The following DARS2 variants were observed in gnomAD, a reference collection of about 807,000 sequenced individuals.
DARS2 encodes the protein aspartate--tRNA ligase, mitochondrial.
DARS2 carries 63 observed loss-of-function variants against 83.0 expected under a neutral mutation model. The ratio of observed to expected loss-of-function variants is 0.76; its 90% CI spans 0.62 to 0.94. The LOEUF is 0.94. Ranked by LOEUF, DARS2 falls within the 40% of genes least tolerant of loss-of-function variation. The pLI, the probability that DARS2 is intolerant of heterozygous loss-of-function variation, is 0.00. For missense variants in DARS2, 675 were observed against 774.4 expected (o/e 0.87, Z 1.52); for synonymous variants, 250 against 269.3 (o/e 0.93, Z 0.70).
At chr1:173,855,817 ATTTT>A (rs57005267) in intron 15 of DARS2, among the ~76,000 whole-genome samples, 1 of 139,746 alleles carries the variant, frequency 7.2e-6, no homozygotes, top group Non-Finnish European at 1.6e-5. Context: ...CACGCCCAGC[ATTTT>A]TTTTTTTTTT....
At chr1:173,849,154 C>CTT (rs75129689) in intron 12 of DARS2, among the ~76,000 whole-genome samples, 339 of 133,708 alleles carry the variant, frequency 2.5e-3, no homozygotes, top group Non-Finnish European at 3.1e-3. Flanking sequence ...TTATCTTGGT[C>CTT]TTTTTTTTTT....
intron 12 of DARS2, among the ~76,000 whole-genome samples, chr1:173,846,678 C>T (rs1653448569): frequency 6.6e-6 from 1 of 151,668 alleles, no homozygotes; most frequent in African/African-American, 2.4e-5. Context: ...CACCTGTCAT[C>T]CCAACTACTT....
intron 16 of DARS2, 117 bp downstream of exon 16, chr1:173,856,858 T>A: frequency 1.4e-6 from 1 of 710,770 alleles, no homozygotes; most frequent in South Asian, 1.8e-5. Context: ...CATGAGAATG[T>A]AAGTTTCTGT....
At position 173,824,999 on chromosome 1, in the gene DARS2, GGA is replaced by G; in HGVS notation, c.-227_-226del. On this transcript the variant is annotated 5_prime_UTR_variant, in exon 1 of 17. Coordinates refer to ENST00000649689, the MANE Select transcript of DARS2 (RefSeq NM_018122.5). ...TGCAGACTGATGCTTTAAGACTCAG[GGA>G]GAGGTCTTTCCCTTATCTCCACCCC... is the stretch of plus-strand genomic sequence containing the variant. The G allele has an allele frequency of 2.2e-6, 1 of 461,370 alleles. No individual in the cohort carries two copies. Among genetic ancestry groups the G allele is most frequent in the Non-Finnish European group, 4.0e-6 (1 of 251,502 alleles). The allele number at this position is 461,370 out of a possible 1,614,324, so 28.6% of individuals were successfully genotyped here.
chr1:173,834,792 T>TG (rs1398915676), intron 7 of DARS2, among the ~76,000 whole-genome samples: 1 of 138,902 alleles, frequency 7.2e-6, no homozygotes, highest in African/African-American at 2.8e-5. Flanking sequence ...GTTTTTTTTT[T>TG]TTTTTTGAGA....
At chr1:173,853,969 T>C (rs1471485513) in intron 15 of DARS2, 64 bp downstream of exon 15, 1 of 1,390,992 alleles carries the variant, frequency 7.2e-7, no homozygotes, top group Non-Finnish European at 1.0e-6. Context: ...AGTTTTGTGT[T>C]GTTGTTGTTG....
chr1:173,838,486 T>C (rs926791694), intron 9 of DARS2, among the ~76,000 whole-genome samples: 2 of 152,122 alleles, frequency 1.3e-5, no homozygotes, highest in Non-Finnish European at 2.9e-5. Flanking sequence ...GGGGCCACAC[T>C]GTCATTCAAA....
At chr1:173,852,597 C>T (rs1281860458) in intron 13 of DARS2, among the ~76,000 whole-genome samples, 2 of 151,936 alleles carry the variant, frequency 1.3e-5, no homozygotes, top group Non-Finnish European at 2.9e-5. Flanking sequence ...TGCCTCCTCC[C>T]GGGTTCAAGC....
Position 173,826,814 on chromosome 1 carries a change from G to T in DARS2, c.227+28G>T, listed in dbSNP as rs6425259. ...AAATTGAGAAAGACAGTCTAAGAAT[G>T]CATGGTGGTGGTTTTCCCAGGGCAA... On this transcript the variant is annotated intron_variant, in intron 2 of 16. Transcript: ENST00000649689. The T allele has an allele frequency of 4.7e-3, 7,086 of 1,511,608 alleles. 303 individuals are homozygous for T. The African/African-American group carries it at 0.087, about 19-fold the overall frequency. 93.6% of individuals were successfully genotyped at this position (1,511,608 alleles called of 1,614,324 possible).
At chr1:173,826,203 G>T (rs1331410697) in intron 1 of DARS2, among the ~76,000 whole-genome samples, 1 of 149,436 alleles carries the variant, frequency 6.7e-6, no homozygotes, top group African/African-American at 2.5e-5. Flanking sequence ...CAGCCTGGGC[G>T]ACAGAGCGAG....
At chr1:173,839,919 T>A (rs1298231875) in intron 10 of DARS2, among the ~76,000 whole-genome samples, 4 of 152,160 alleles carry the variant, frequency 2.6e-5, no homozygotes, top group Non-Finnish European at 4.4e-5. Context: ...CTCAAACATA[T>A]GACAATGTTT....
rs777893015 is a variant in DARS2, at chr1:173,828,396, T to A, written c.291T>A (p.Asp97Glu). ...TTGTTCAAGTTATCATTCCCCAGGA[T>A]GAGGTAATAGAAAATTTCCTGTTAT... The part of the protein sequence containing the change: ...DGLVQVIIPQ[D>E]ESAASVKKIL... The change falls in exon 3 of 17, where the codon GAT becomes GAA. Residue 97 changes from aspartate (D) to glutamate (E), a missense_variant. Transcript: ENST00000649689. 6.3e-7 allele frequency: 1 copy of A among 1,592,440 alleles called. No homozygotes were observed. Among genetic ancestry groups the A allele is most frequent in the East Asian group, 2.3e-5 (1 of 42,892 alleles).
At chr1:173,830,416 AT>A (rs1652751193) in intron 3 of DARS2, among the ~76,000 whole-genome samples, 1 of 151,974 alleles carries the variant, frequency 6.6e-6, no homozygotes, top group East Asian at 1.9e-4. Flanking sequence ...TCTTACCCTT[AT>A]TTTCCTTTAA....
At chr1:173,825,925 A>T (rs1392968741) in intron 1 of DARS2, among the ~76,000 whole-genome samples, 1 of 150,668 alleles carries the variant, frequency 6.6e-6, no homozygotes, top group African/African-American at 2.5e-5. Context: ...TTGATGCCTT[A>T]AAAAAATCCT....
At chr1:173,840,383 C>T (rs996407029) in intron 10 of DARS2, among the ~76,000 whole-genome samples, 13 of 152,146 alleles carry the variant, frequency 8.5e-5, no homozygotes, top group African/African-American at 2.4e-4. Context: ...GGATTACAGG[C>T]GCATACCACC....
At position 173,830,763 on chromosome 1, in the gene DARS2, T is replaced by G. The variant is rs759123043; in HGVS notation, c.396+2T>G. The G allele has an allele frequency of 1.2e-5, 20 of 1,611,790 alleles. No homozygotes were observed. The Admixed American group carries it at 2.5e-4, about 20-fold the overall frequency. On this transcript the variant is annotated splice_donor_variant, in intron 4 of 16. Transcript: ENST00000649689. LOFTEE classifies it high-confidence loss of function. Reference sequence around the variant, plus strand: ...CGTCCTGCAGGACAAGAGAATCCAGTAGGTAGTTTCGAAGATATCTGTGTA... The same window carrying G: ...CGTCCTGCAGGACAAGAGAATCCAGGAGGTAGTTTCGAAGATATCTGTGTA...
Position 173,836,323 on chromosome 1 carries a change from C to T in DARS2, c.664-617C>T, listed in dbSNP as rs563832951. ...TTGGGAGGCCAAGGCGGGCAGATCA[C>T]GAGGTCAGGAGTTCAAGACCAGCCT... On this transcript the variant is annotated intron_variant, in intron 7 of 16. Transcript: ENST00000649689. Among the ~76,000 whole-genome samples the T allele has an allele frequency of 9.3e-4, 141 of 151,824 alleles. 2 individuals carry two copies. Among genetic ancestry groups the T allele is most frequent in the African/African-American group, 3.3e-3 (136 of 41,432 alleles).
chr1:173,843,399 A>G (rs1653306559), intron 11 of DARS2, among the ~76,000 whole-genome samples: 1 of 152,148 alleles, frequency 6.6e-6, no homozygotes, highest in South Asian at 2.1e-4. Context: ...TCTGTACTAA[A>G]AATGTAAAAA....
At chr1:173,857,174 C>T (rs929579845) in intron 16 of DARS2, among the ~76,000 whole-genome samples, 1 of 152,094 alleles carries the variant, frequency 6.6e-6, no homozygotes, top group Non-Finnish European at 1.5e-5. Flanking sequence ...AGATTGTAGG[C>T]CCCAACAACA....
Sources: gnomAD v4.1 joint callset for allele counts (sites outside exome capture counted in the v4.1 genomes callset) on GRCh38, gnomAD v4.1.1 for gene constraint, MANE v1.5 for transcripts, NCBI Gene and HGNC (gene_info 2026-07-23, HGNC 2026-07-21) for gene names.